Variants in ST6GAL1 observed in about 807,000 individuals in gnomAD.
The protein encoded by ST6GAL1 is ST6 beta-galactoside alpha-2,6-sialyltransferase 1, also known as beta-galactoside alpha-2,6-sialyltransferase 1.
In ST6GAL1, 20 loss-of-function variants were observed where a neutral mutation model predicts 38.0. The ratio of observed to expected loss-of-function variants is 0.53; its 90% CI spans 0.37 to 0.77. The LOEUF (loss-of-function observed/expected upper bound fraction) is 0.77, where lower values mean the gene tolerates loss of function less well. Among genes scored for constraint, ST6GAL1 ranks in the 30% least tolerant of loss-of-function variants. ST6GAL1 has a pLI of 0.00. For synonymous variants in ST6GAL1, 196 were observed against 188.2 expected, an observed-to-expected ratio of 1.04 and a Z score of -0.34; for missense variants, 432 against 496.4, an observed-to-expected ratio of 0.87 and a Z score of 1.23.
At chr3:186,949,483 C>G (rs535644153) in intron 1 of ST6GAL1, among the ~76,000 whole-genome samples, 1 of 152,242 alleles carries the variant, frequency 6.6e-6, no homozygotes, top group South Asian at 2.1e-4. Context: ...TTGCTTTTCA[C>G]AATGAACATC....
intron 5 of ST6GAL1, among the ~76,000 whole-genome samples, chr3:187,066,549 GA>G (rs766145383): frequency 6.6e-6 from 1 of 151,790 alleles, no homozygotes; most frequent in Non-Finnish European, 1.5e-5. Flanking sequence ...GATTTGAGAA[GA>G]AAAAAGTCCA....
intron 2 of ST6GAL1, among the ~76,000 whole-genome samples, chr3:186,979,761 C>T (rs760377952): frequency 2.0e-5 from 3 of 152,230 alleles, no homozygotes; most frequent in East Asian, 1.9e-4. Flanking sequence ...CCAAGGCTTC[C>T]GAGAAGTTGC....
At chr3:186,995,416 G>T (rs1318349892) in intron 2 of ST6GAL1, among the ~76,000 whole-genome samples, 1 of 150,188 alleles carries the variant, frequency 6.7e-6, no homozygotes, top group East Asian at 2.0e-4. Context: ...TGAGGCAGGA[G>T]AATTGCTTGG....
At chr3:187,023,491 G>A (rs1480268508) in intron 2 of ST6GAL1, among the ~76,000 whole-genome samples, 1 of 152,132 alleles carries the variant, frequency 6.6e-6, no homozygotes, top group Non-Finnish European at 1.5e-5. Flanking sequence ...CAACCCAAAT[G>A]TCCAACAATG....
intron 2 of ST6GAL1, among the ~76,000 whole-genome samples, chr3:187,019,372 C>T (rs1053139577): frequency 4.6e-5 from 7 of 152,172 alleles, no homozygotes; most frequent in African/African-American, 1.7e-4. Context: ...GTAATGCTAG[C>T]TGCTAGAGCA....
chr3:187,044,566 G>A (rs531207795), intron 4 of ST6GAL1, among the ~76,000 whole-genome samples: 9 of 152,228 alleles, frequency 5.9e-5, no homozygotes, highest in Non-Finnish European at 1.3e-4. Flanking sequence ...GAAACTAAAT[G>A]TGATTGGTTT....
intron 2 of ST6GAL1, among the ~76,000 whole-genome samples, chr3:186,995,449 T>C (rs1269016497): frequency 1.4e-5 from 2 of 139,764 alleles, no homozygotes; most frequent in African/African-American, 5.3e-5. Flanking sequence ...GAGCTTGCAG[T>C]GAGCCAAGAT....
chr3:187,050,804 G>T (rs965629193), intron 4 of ST6GAL1, among the ~76,000 whole-genome samples: 1 of 152,172 alleles, frequency 6.6e-6, no homozygotes, highest in African/African-American at 2.4e-5. Context: ...GTGCAATGGG[G>T]TCCTTTGCAC....
rs1990677 is a variant in ST6GAL1 at position 187,066,672 on chromosome 3, G to T, written c.706-6177G>T. On this transcript the variant is annotated intron_variant, in intron 5 of 7. Coordinates refer to ENST00000169298, the MANE Select transcript of ST6GAL1 (RefSeq NM_173216.2). ...TTCTAACTGTCCCCAGTGAGTATTT[G>T]TTACTTTCTAACTGAGAAGGTTACT... 4.5e-3 allele frequency among the ~76,000 whole-genome samples: 688 copies of T among 151,864 alleles called. 21 individuals are homozygous for T. In the East Asian group the frequency reaches 0.072, roughly 16 times the overall value.
At chr3:186,958,802 A>G (rs963019379) in intron 1 of ST6GAL1, among the ~76,000 whole-genome samples, 5 of 151,930 alleles carry the variant, frequency 3.3e-5, no homozygotes, top group Non-Finnish European at 7.4e-5. Flanking sequence ...AAATATCAAA[A>G]ATTAGCCAGG....
At chr3:187,029,733 A>G (rs1560168557) in intron 2 of ST6GAL1, among the ~76,000 whole-genome samples, 1 of 152,216 alleles carries the variant, frequency 6.6e-6, no homozygotes, top group African/African-American at 2.4e-5. Context: ...GGAGCAGAAC[A>G]GAGGGTTGGA....
intron 1 of ST6GAL1, among the ~76,000 whole-genome samples, chr3:186,956,278 C>CA (rs1457996589): frequency 3.3e-5 from 5 of 152,308 alleles, no homozygotes; most frequent in African/African-American, 1.2e-4. Context: ...TTGTGAAAGT[C>CA]AAGCTTTATT....
intron 2 of ST6GAL1, among the ~76,000 whole-genome samples, chr3:187,019,726 C>T (rs1717232188): frequency 6.6e-6 from 1 of 152,192 alleles, no homozygotes; most frequent in South Asian, 2.1e-4. Context: ...TGGAGCCCCT[C>T]TCGGAGGCAC....
chr3:186,956,108 C>T (rs941147989), intron 1 of ST6GAL1, among the ~76,000 whole-genome samples: 1 of 152,122 alleles, frequency 6.6e-6, no homozygotes, highest in Non-Finnish European at 1.5e-5. Context: ...CTTCCCCCTG[C>T]ACCCACATCT....
At chr3:187,022,185 T>C (rs1717337283) in intron 2 of ST6GAL1, among the ~76,000 whole-genome samples, 1 of 152,112 alleles carries the variant, frequency 6.6e-6, no homozygotes, top group African/African-American at 2.4e-5. Flanking sequence ...CTGACACTAT[T>C]TCCAGGTAGA....
chr3:186,982,424 G>T (rs1715723787), intron 2 of ST6GAL1, among the ~76,000 whole-genome samples: 1 of 152,174 alleles, frequency 6.6e-6, no homozygotes, highest in Non-Finnish European at 1.5e-5. Context: ...CAAGAATCAT[G>T]GCAGACAGTT....
rs373244737 is a variant in ST6GAL1 at position 186,957,280 on chromosome 3, C to G, written c.-324-6505C>G. 1.2e-3 allele frequency among the ~76,000 whole-genome samples: 183 copies of G among 152,064 alleles called. 2 individuals are homozygous for G. Among genetic ancestry groups the G allele is most frequent in the African/African-American group, 4.1e-3 (172 of 41,518 alleles). ...CACATGGCAAAACCCCACCTCTACTCAAAAATACAAAAATTAGCCAGACAT... is the reference window on the plus strand; with the variant it reads ...CACATGGCAAAACCCCACCTCTACTGAAAAATACAAAAATTAGCCAGACAT... On this transcript the variant is annotated intron_variant, in intron 1 of 7. Transcript: ENST00000169298.
At chr3:186,947,643 A>G (rs998674082) in intron 1 of ST6GAL1, among the ~76,000 whole-genome samples, 4 of 152,218 alleles carry the variant, frequency 2.6e-5, no homozygotes, top group African/African-American at 9.6e-5. Context: ...AGGTAAATAT[A>G]AGAGCCTACA....
chr3:187,067,306 C>T (rs1392617235), intron 5 of ST6GAL1, among the ~76,000 whole-genome samples: 3 of 150,800 alleles, frequency 2.0e-5, no homozygotes, highest in East Asian at 1.9e-4. Flanking sequence ...AGGGTGATCT[C>T]GAACTCCTGA....
Sources: allele counts gnomAD v4.1 joint callset (sites outside exome capture counted in the v4.1 genomes callset), GRCh38; gene constraint gnomAD v4.1.1; transcripts MANE v1.5; gene names NCBI Gene and HGNC (gene_info 2026-07-23, HGNC 2026-07-21).